SASH1: variants seen among roughly 807,000 people sequenced by gnomAD.
SASH1 encodes SAM and SH3 domain-containing protein 1.
In SASH1, 44 loss-of-function variants were observed where a neutral mutation model predicts 125.2. The ratio of observed to expected loss-of-function variants is 0.35; its 90% CI spans 0.28 to 0.45. SASH1 has a LOEUF of 0.45. Among genes scored for constraint, SASH1 ranks in the 20% least tolerant of loss-of-function variants. SASH1 has a pLI of 1.00. For missense variants in SASH1, 1,426 were observed against 1,614.5 expected (o/e 0.88, Z 2.00); for synonymous variants, 639 against 649.1 (o/e 0.98, Z 0.24).
the SASH1 span, among the ~76,000 whole-genome samples, chr6:148,211,347 G>A: frequency 6.6e-6 from 1 of 152,192 alleles, no homozygotes; most frequent in Non-Finnish European, 1.5e-5. Flanking sequence ...AAGGCGAGGG[G>A]ATCACCTGAG....
the SASH1 span, among the ~76,000 whole-genome samples, chr6:148,212,879 G>A: frequency 6.6e-6 from 1 of 152,162 alleles, no homozygotes; most frequent in East Asian, 1.9e-4. Context: ...AGTGAGGCTT[G>A]AACCCAGTTT....
intron 8 of SASH1, among the ~76,000 whole-genome samples, chr6:148,493,054 T>G (rs1352643434): frequency 6.6e-6 from 1 of 152,198 alleles, no homozygotes; most frequent in Non-Finnish European, 1.5e-5. Context: ...CCAGAAGTTC[T>G]GAAGAGTGAC....
intron 16 of SASH1, among the ~76,000 whole-genome samples, chr6:148,537,103 A>G (rs1781893142): frequency 6.6e-6 from 1 of 152,238 alleles, no homozygotes; most frequent in Non-Finnish European, 1.5e-5. Context: ...CCTCTAACTG[A>G]TAACATGATA....
At chr6:148,205,066 A>G in the SASH1 span, among the ~76,000 whole-genome samples, 7 of 152,308 alleles carry the variant, frequency 4.6e-5, no homozygotes, top group East Asian at 1.4e-3. Flanking sequence ...TCCAACTTGT[A>G]TCAGTCATCT....
At chr6:148,248,825 CTG>C in the SASH1 span, among the ~76,000 whole-genome samples, 2 of 152,254 alleles carry the variant, frequency 1.3e-5, no homozygotes, top group South Asian at 4.1e-4. Flanking sequence ...CTTATTTAAA[CTG>C]TGAAGTGTTG....
In SASH1 at chr6:148,544,473, C is replaced by A. The variant is rs747087619; in HGVS notation, c.3003C>A (p.His1001Gln). ...KSRERLANGL[H>Q]PVPMGPSGAL... ...GAGAACGCCTTGCTAACGGACTCCA[C>A]CCTGTTCCCATGGGCCCCAGTGGGG... The change falls in exon 18 of 20, where the codon CAC (histidine) becomes CAA (glutamine). Residue 1001 changes from histidine (H) to glutamine (Q), a missense_variant. Coordinates refer to ENST00000367467, the MANE Select transcript of SASH1 (RefSeq NM_015278.5). The surrounding 1 kb of genome is among the most constrained non-coding windows in gnomAD (Gnocchi z 6.4). The A allele has an allele frequency of 1.2e-6, 2 of 1,614,160 alleles. No individual in the cohort carries two copies. The highest frequency in any genetic ancestry group is 1.7e-6 in the Non-Finnish European group (2 of 1,180,038).
intron 1 of SASH1, among the ~76,000 whole-genome samples, chr6:148,367,787 G>T (rs1344071443): frequency 6.6e-6 from 1 of 152,224 alleles, no homozygotes; most frequent in Non-Finnish European, 1.5e-5. Context: ...TTTCTTATCT[G>T]CAGTGCTGGG....
chr6:148,452,056 C>T (rs929042051), intron 4 of SASH1, among the ~76,000 whole-genome samples: 3 of 152,190 alleles, frequency 2.0e-5, no homozygotes, highest in East Asian at 1.9e-4. Context: ...CTTCTGTGCC[C>T]AGCATCTTCT....
At chr6:148,420,328 A>C (rs1016233688) in intron 2 of SASH1, among the ~76,000 whole-genome samples, 48 of 152,190 alleles carry the variant, frequency 3.2e-4, no homozygotes, top group Non-Finnish European at 1.0e-4. Flanking sequence ...AAATTTGTAT[A>C]TATACATTGT....
chr6:148,259,634 C>T, the SASH1 span, among the ~76,000 whole-genome samples: 7 of 152,238 alleles, frequency 4.6e-5, no homozygotes, highest in Admixed American at 2.0e-4. Flanking sequence ...ACCCAGCACA[C>T]GCCTAACTTA....
At chr6:148,469,431 T>G (rs1329613652) in intron 5 of SASH1, among the ~76,000 whole-genome samples, 1 of 152,192 alleles carries the variant, frequency 6.6e-6, no homozygotes, top group Non-Finnish European at 1.5e-5. Flanking sequence ...ATATAGCTTA[T>G]AGTCAAAGAA....
intron 1 of SASH1, among the ~76,000 whole-genome samples, chr6:148,334,901 G>A (rs1294396420): frequency 6.6e-6 from 1 of 150,568 alleles, no homozygotes; most frequent in Non-Finnish European, 1.5e-5. Flanking sequence ...CTTGAACCCG[G>A]GAGGCAGAGT....
At chr6:148,242,533 C>A in the SASH1 span, among the ~76,000 whole-genome samples, 2 of 152,190 alleles carry the variant, frequency 1.3e-5, no homozygotes, top group African/African-American at 4.8e-5. Flanking sequence ...CGTCCGTTTG[C>A]ATCTGTTTCA....
rs930522072 is a variant in SASH1 at position 148,384,142 on chromosome 6, T to C, written c.157-5992T>C. ...AGAACTTGAATCTGCATGTATCTCT[T>C]TTCCTGTTTTCAAAGACAGGGGTGG... On this transcript the variant is annotated intron_variant, in intron 1 of 19. Coordinates refer to ENST00000367467, the MANE Select transcript of SASH1 (RefSeq NM_015278.5). Among the ~76,000 whole-genome samples, 3 of 152,200 alleles carry C rather than the reference T, an allele frequency of 2.0e-5. No individual in the cohort carries two copies. The South Asian group carries it at 6.2e-4, about 31-fold the overall frequency.
chr6:148,455,159 A>G (rs2328901), intron 4 of SASH1, among the ~76,000 whole-genome samples: 41,406 of 152,008 alleles, frequency 0.27, 5,842 homozygotes, highest in Middle Eastern at 0.37. Context: ...GCACATCACA[A>G]TTACTTGGAG....
intron 1 of SASH1, among the ~76,000 whole-genome samples, chr6:148,362,399 A>G (rs1782270384): frequency 6.6e-6 from 1 of 151,908 alleles, no homozygotes; most frequent in South Asian, 2.1e-4. Flanking sequence ...AATGTCCAGC[A>G]TTTCTTACTA....
At position 148,356,494 on chromosome 6, in the gene SASH1, CTTTT is replaced by C. The variant is rs57183555; in HGVS notation, c.156+13288_156+13291del. ...TCAAATGGTAGATCTACTTTTAGTT[CTTTT>C]TTTTTTTTTTTTTTTTGAGACTGGG... On this transcript the variant is annotated intron_variant, in intron 1 of 19. Coordinates refer to ENST00000367467, the MANE Select transcript of SASH1 (RefSeq NM_015278.5). Among the ~76,000 whole-genome samples the C allele has an allele frequency of 1.3e-3, 147 of 116,262 alleles. 1 individual carries two copies. The highest frequency in any genetic ancestry group is 4.6e-3 in the African/African-American group (138 of 29,978). 76.3% of individuals were successfully genotyped at this position (116,262 alleles called of 152,430 possible).
At chr6:148,334,303 C>G (rs1252198979) in intron 1 of SASH1, among the ~76,000 whole-genome samples, 2 of 148,252 alleles carry the variant, frequency 1.3e-5, no homozygotes, top group East Asian at 4.1e-4. Context: ...TGGCGGGCGC[C>G]TGTAGTCCCA....
At position 148,529,190 on chromosome 6, in the gene SASH1, C is replaced by T. The variant is rs542556242; in HGVS notation, c.1428+1594C>T. On this transcript the variant is annotated intron_variant, in intron 12 of 19. Coordinates refer to ENST00000367467, the MANE Select transcript of SASH1 (RefSeq NM_015278.5). This position sits in a 1 kb window ranked among gnomAD's most constrained non-coding sequence, Gnocchi z 4.2. ...GGCCCACTTCTTAACAGGCCACAGA[C>T]GGGTTCTGGTCCGTGGCCCGGGAGT... Among the ~76,000 whole-genome samples the T allele has an allele frequency of 2.6e-5, 4 of 152,272 alleles. No homozygotes were observed. Among genetic ancestry groups the T allele is most frequent in the East Asian group, 3.9e-4 (2 of 5,176 alleles).
Sources: allele counts gnomAD v4.1 joint callset (sites outside exome capture counted in the v4.1 genomes callset), GRCh38; gene constraint gnomAD v4.1.1; non-coding constraint Gnocchi (gnomAD v3.1); transcripts MANE v1.5; gene names NCBI Gene and HGNC (gene_info 2026-07-23, HGNC 2026-07-21).